The following MFSD12 variants were observed in gnomAD, a reference collection of about 807,000 sequenced individuals.
The protein encoded by MFSD12 is major facilitator superfamily domain containing 12.
Under a neutral mutation model 51.2 loss-of-function variants are expected in MFSD12, and 67 were observed. The observed-to-expected ratio is 1.31, with a 90% confidence interval of 1.08 to 1.60. The LOEUF is 1.60. Among genes scored for constraint, MFSD12 ranks in the 40% most tolerant of loss-of-function variants. The probability of loss-of-function intolerance (pLI) is 0.00; values close to 1 mark genes in which losing one functional copy is unlikely to be tolerated. For missense variants in MFSD12, 921 were observed against 673.0 expected (o/e 1.37, Z -4.08); for synonymous variants, 441 against 316.7 (o/e 1.39, Z -4.17).
downstream of MFSD12, chr19:3,543,655 C>T (rs764572159): frequency 1.1e-5 from 17 of 1,542,174 alleles, no homozygotes; most frequent in South Asian, 1.9e-4. Flanking sequence ...TGTGGAAAGA[C>T]AGGCCAATCC....
At chr19:3,546,890 G>C (rs926217346) in intron 6 of MFSD12, among the ~76,000 whole-genome samples, 1 of 152,112 alleles carries the variant, frequency 6.6e-6, no homozygotes. Flanking sequence ...CTGGAGTGCA[G>C]TGGTGTGATC....
chr19:3,553,874 G>A (rs572794127), intron 1 of MFSD12, among the ~76,000 whole-genome samples: 6 of 151,518 alleles, frequency 4.0e-5, no homozygotes, highest in East Asian at 2.0e-4. Context: ...CTGAGGTCAG[G>A]AGTTCGAGAC....
downstream of MFSD12, among the ~76,000 whole-genome samples, chr19:3,541,386 GATCTC>G (rs1012630985): frequency 4.7e-5 from 7 of 149,132 alleles, no homozygotes; most frequent in Non-Finnish European, 1.0e-4. Flanking sequence ...GCAGTGGAAT[GATCTC>G]AGCTCACTGC....
intron 4 of MFSD12, 94 bp from the exon 5 acceptor site, chr19:3,547,641 C>T (rs2031185161): frequency 7.9e-7 from 1 of 1,273,668 alleles, no homozygotes; most frequent in Non-Finnish European, 1.1e-6. Flanking sequence ...GGGCGCCCTG[C>T]AGCTGGCATT....
chr19:3,552,254 G>A (rs1483442309), intron 1 of MFSD12, among the ~76,000 whole-genome samples: 1 of 149,938 alleles, frequency 6.7e-6, no homozygotes, highest in Non-Finnish European at 1.5e-5. Flanking sequence ...TGCAACCTCC[G>A]CCCCCTGGAT....
chr19:3,543,422 T>TACA, downstream of MFSD12: 1 of 1,545,342 alleles, frequency 6.5e-7, no homozygotes, highest in Admixed American at 2.0e-5. Flanking sequence ...CCGCGAGGCC[T>TACA]ACAACCGCTG....
At position 3,546,337 on chromosome 19, in the gene MFSD12, G is replaced by T; in HGVS notation, c.1112C>A (p.Ala371Glu). The T allele has an allele frequency of 6.2e-7, 1 of 1,607,968 alleles. No homozygotes were observed. Among genetic ancestry groups the T allele is most frequent in the Non-Finnish European group, 8.5e-7 (1 of 1,178,028 alleles). ...AEGLGVAVYA[A>E]AVLLGAGCAT... ...ACAGCCAGCACCCAGCAGCACAGCC[G>T]CTGCGTACACGGCCACACCCAGTCC... Residue 371 changes from alanine (A) to glutamate (E), a missense_variant, in exon 7 of 10, where the codon GCG becomes GAG. Physicochemically the swap from Ala to Glu is moderately radical, Grantham distance 107. Coordinates refer to ENST00000355415, the MANE Select transcript of MFSD12 (RefSeq NM_174983.5).
In MFSD12 at chr19:3,544,665, G is replaced by C. The variant is rs759947081; in HGVS notation, c.*45C>G. The C allele has an allele frequency of 6.4e-7, 1 of 1,557,430 alleles. No individual in the cohort carries two copies. Among genetic ancestry groups the C allele is most frequent in the East Asian group, 2.3e-5 (1 of 44,178 alleles). The stretch of plus-strand genomic sequence containing the variant: ...CCAAGGCCCTGGGGGGCATCCTCGT[G>C]CGTCCCCACAGTTCCCTTGCACAGG... On this transcript the variant is annotated 3_prime_UTR_variant, in exon 10 of 10. Coordinates refer to ENST00000355415, the MANE Select transcript of MFSD12 (RefSeq NM_174983.5).
At chr19:3,539,030 ACT>A (rs2030128529) in intron 4 of MFSD12, 29 of 635,188 alleles carry the variant, frequency 4.6e-5, no homozygotes, top group South Asian at 4.4e-4. Context: ...ACTCAGAACG[ACT>A]CTCCAGCCCT....
At chr19:3,543,494 C>G, downstream of MFSD12, 1 of 1,523,384 alleles carries the variant, frequency 6.6e-7, no homozygotes, top group Non-Finnish European at 8.8e-7. Context: ...CCCCCCCCGC[C>G]CTGGGCAGCG....
At chr19:3,545,581 C>T (rs2030938871) in intron 8 of MFSD12, among the ~76,000 whole-genome samples, 1 of 152,242 alleles carries the variant, frequency 6.6e-6, no homozygotes, top group African/African-American at 2.4e-5. Flanking sequence ...TGGCTTCCTG[C>T]CCTGGCTGTC....
At chr19:3,555,072 C>A (rs989636665) in intron 1 of MFSD12, among the ~76,000 whole-genome samples, 1 of 152,188 alleles carries the variant, frequency 6.6e-6, no homozygotes, top group Admixed American at 6.5e-5. Context: ...AAACATAAAG[C>A]CTTCGGTTGC....
chr19:3,551,062 G>T lies in MFSD12; in HGVS notation c.431C>A (p.Ser144Tyr). The change falls in exon 2 of 10, where the codon TCC becomes TAC. Residue 144 changes from serine to tyrosine, a missense_variant. Physicochemically the swap from Ser to Tyr is moderately radical, Grantham distance 144 (BLOSUM62 -2). Transcript: ENST00000355415. The surrounding 1 kb of genome is among the most constrained non-coding windows in gnomAD (Gnocchi z 4.6). ...FIVIFQFGWA[S>Y]TQISHLSLIP... ...GAGGCTGAGGTGGGAGATCTGTGTG[G>T]AGGCCCAGCCAAACTGGAAGATCAC... The T allele has an allele frequency of 1.2e-6, 2 of 1,613,034 alleles. No individual in the cohort carries two copies. Among genetic ancestry groups the T allele is most frequent in the Admixed American group, 3.3e-5 (2 of 60,026 alleles).
downstream of MFSD12, among the ~76,000 whole-genome samples, chr19:3,540,732 A>G (rs1208654771): frequency 6.6e-6 from 1 of 151,554 alleles, no homozygotes; most frequent in Non-Finnish European, 1.5e-5. Context: ...ATACAAAATT[A>G]GCCGGGAATG....
chr19:3,557,486 G>T lies in MFSD12; in HGVS notation c.-83C>A. 1.1e-6 allele frequency: 1 copy of T among 900,672 alleles called. No individual in the cohort carries two copies. Among genetic ancestry groups the T allele is most frequent in the South Asian group, 5.5e-5 (1 of 18,234 alleles). 55.8% of individuals were successfully genotyped at this position (900,672 alleles called of 1,614,324 possible). The stretch of plus-strand genomic sequence containing the variant: ...GCCTTCTTGGGTGCCGTGGGGGCAG[G>T]CGCCGGGGACCCCCACCACGCGCCG... On this transcript the variant is annotated 5_prime_UTR_variant, in exon 1 of 10. Transcript: ENST00000355415.
intron 4 of MFSD12, chr19:3,539,025 G>A: frequency 1.6e-6 from 1 of 636,634 alleles, no homozygotes; most frequent in South Asian, 1.8e-5. Context: ...TAAATACTCA[G>A]AACGACTCTC....
At chr19:3,538,817 C>A (rs2030112549) in intron 4 of MFSD12, 3 of 552,900 alleles carry the variant, frequency 5.4e-6, no homozygotes, top group Non-Finnish European at 1.1e-5. Flanking sequence ...GCTGGGGTGA[C>A]AGGTGCCTGC....
At chr19:3,556,146 C>A (rs981007487) in intron 1 of MFSD12, among the ~76,000 whole-genome samples, 4 of 152,242 alleles carry the variant, frequency 2.6e-5, no homozygotes, top group African/African-American at 9.6e-5. Context: ...CGGAGCAGCA[C>A]CCTCAAACTG....
At position 3,544,746 on chromosome 19, in the gene MFSD12, G is replaced by A. The variant is rs1264866289; in HGVS notation, c.1421-14C>T. The stretch of plus-strand genomic sequence containing the variant: ...CATCACGGTCCCCTGCAAGGGAGGG[G>A]TGGAAATGGCATTAGAGAGTGTGGG... On this transcript the variant is annotated splice_polypyrimidine_tract_variant and intron_variant, in intron 9 of 9. Transcript: ENST00000355415. 5.0e-6 allele frequency: 8 copies of A among 1,601,992 alleles called. No individual in the cohort carries two copies. In the Admixed American group the frequency reaches 6.7e-5, roughly 13 times the overall value.
Sources: gnomAD v4.1 joint callset for allele counts (sites outside exome capture counted in the v4.1 genomes callset) on GRCh38, gnomAD v4.1.1 for gene constraint, Gnocchi (gnomAD v3.1) non-coding constraint, MANE v1.5 for transcripts, NCBI Gene and HGNC (gene_info 2026-07-23, HGNC 2026-07-21) for gene names.